The following TBC1D19 variants were observed in gnomAD, a reference collection of about 807,000 sequenced individuals.
TBC1D19 encodes TBC1 domain family member 19, also known as TBC1 domain family, member 19.
A neutral mutation model predicts 89.0 loss-of-function variants in TBC1D19; 60 were observed. The observed-to-expected ratio is 0.67, with a 90% CI of 0.55 to 0.84. The LOEUF (loss-of-function observed/expected upper bound fraction) is 0.84. Ranked by LOEUF, TBC1D19 falls within the 40% of genes least tolerant of loss-of-function variation. The probability of loss-of-function intolerance (pLI) is 0.00; values close to 1 mark genes in which losing one functional copy is unlikely to be tolerated. For synonymous variants in TBC1D19, 189 were observed against 199.7 expected (o/e 0.95, Z 0.45); for missense variants, 500 against 610.8 (o/e 0.82, Z 1.91).
At chr4:26,698,892 C>T (rs1715054084) in intron 13 of TBC1D19, among the ~76,000 whole-genome samples, 1 of 152,176 alleles carries the variant, frequency 6.6e-6, no homozygotes, top group Non-Finnish European at 1.5e-5. Flanking sequence ...AAATGTGAGA[C>T]CTAAAACCAT....
chr4:26,857,453 C>T, the TBC1D19 span, among the ~76,000 whole-genome samples: 1 of 152,248 alleles, frequency 6.6e-6, no homozygotes, highest in African/African-American at 2.4e-5. Flanking sequence ...GAGGGCGAGG[C>T]GCCGGAATTC....
intron 9 of TBC1D19, among the ~76,000 whole-genome samples, chr4:26,668,804 A>G (rs1712034815): frequency 6.6e-6 from 1 of 151,886 alleles, no homozygotes; most frequent in African/African-American, 2.4e-5. Flanking sequence ...ATGTTTTATC[A>G]TTACTGCTAT....
intron 4 of TBC1D19, among the ~76,000 whole-genome samples, chr4:26,625,337 A>G (rs1235653502): frequency 6.6e-6 from 1 of 152,156 alleles, no homozygotes; most frequent in African/African-American, 2.4e-5. Context: ...TTTCCTCTTG[A>G]TGACTCACAA....
chr4:26,772,788 A>G, the TBC1D19 span, among the ~76,000 whole-genome samples: 1 of 152,160 alleles, frequency 6.6e-6, no homozygotes, highest in Non-Finnish European at 1.5e-5. Context: ...CCTTCAAAGG[A>G]CATGATCTCA....
chr4:26,613,397 G>A (rs1231599250), intron 2 of TBC1D19, among the ~76,000 whole-genome samples, 156 bp downstream of exon 2: 1 of 151,952 alleles, frequency 6.6e-6, no homozygotes, highest in Non-Finnish European at 1.5e-5. Context: ...CATGGTTTTT[G>A]GTTTCTGTCT....
At chr4:26,762,008 T>C in the TBC1D19 span, among the ~76,000 whole-genome samples, 48 of 152,064 alleles carry the variant, frequency 3.2e-4, no homozygotes, top group African/African-American at 1.1e-3. Context: ...TGGTGGCACA[T>C]GCCTGTAATC....
At chr4:26,842,717 G>T in the TBC1D19 span, among the ~76,000 whole-genome samples, 1 of 149,898 alleles carries the variant, frequency 6.7e-6, no homozygotes, top group Non-Finnish European at 1.5e-5. Flanking sequence ...GCCCCCGGCT[G>T]GTCTTGAACT....
chr4:26,658,392 G>T (rs1577891405), intron 7 of TBC1D19, among the ~76,000 whole-genome samples: 1 of 152,258 alleles, frequency 6.6e-6, no homozygotes, highest in East Asian at 1.9e-4. Context: ...AGATCAGATG[G>T]TTGTAGATGT....
At chr4:26,698,515 T>C (rs546833453) in intron 13 of TBC1D19, among the ~76,000 whole-genome samples, 2 of 152,114 alleles carry the variant, frequency 1.3e-5, no homozygotes, top group Admixed American at 6.5e-5. Flanking sequence ...AAAACTACTT[T>C]AAAGTTCATA....
chr4:26,738,855 T>C (rs1219160364), intron 16 of TBC1D19, among the ~76,000 whole-genome samples: 1 of 152,178 alleles, frequency 6.6e-6, no homozygotes, highest in Non-Finnish European at 1.5e-5. Context: ...TTTTTCCTTT[T>C]ACTTTGTCAA....
At chr4:26,768,206 A>G in the TBC1D19 span, among the ~76,000 whole-genome samples, 15 of 152,318 alleles carry the variant, frequency 9.8e-5, no homozygotes, top group African/African-American at 3.6e-4. Context: ...GGCCAGGAAG[A>G]GTGGCTATTC....
At chr4:26,596,485 T>A (rs986393012) in intron 1 of TBC1D19, among the ~76,000 whole-genome samples, 16 of 150,436 alleles carry the variant, frequency 1.1e-4, no homozygotes, top group African/African-American at 4.0e-4. Flanking sequence ...TGTGTGTGTG[T>A]GTGAGAGAGA....
At chr4:26,607,147 C>T (rs1438594862) in intron 1 of TBC1D19, among the ~76,000 whole-genome samples, 1 of 152,092 alleles carries the variant, frequency 6.6e-6, no homozygotes, top group African/African-American at 2.4e-5. Flanking sequence ...TATGCAGGAC[C>T]ATACCACAAA....
intron 18 of TBC1D19, among the ~76,000 whole-genome samples, chr4:26,746,441 C>T (rs1578013525): frequency 6.6e-6 from 1 of 152,102 alleles, no homozygotes; most frequent in Non-Finnish European, 1.5e-5. Flanking sequence ...GTCAAATTCT[C>T]TGGCTCTTTC....
At chr4:26,694,971 TAA>T (rs1714635848) in intron 13 of TBC1D19, among the ~76,000 whole-genome samples, 1 of 152,222 alleles carries the variant, frequency 6.6e-6, no homozygotes, top group Non-Finnish European at 1.5e-5. Context: ...CTGAAATTTC[TAA>T]AAGTCAGAGC....
chr4:26,785,822 TG>T, the TBC1D19 span, among the ~76,000 whole-genome samples: 1 of 152,204 alleles, frequency 6.6e-6, no homozygotes, highest in South Asian at 2.1e-4. Context: ...CACATAGCAC[TG>T]GGGTCTTTAG....
intron 1 of TBC1D19, among the ~76,000 whole-genome samples, chr4:26,608,314 G>C (rs1037209578): frequency 1.3e-5 from 2 of 152,100 alleles, no homozygotes; most frequent in African/African-American, 2.4e-5. Context: ...GGCTATATCA[G>C]AATAAAGCTG....
chr4:26,802,374 G>A, the TBC1D19 span, among the ~76,000 whole-genome samples: 1 of 152,160 alleles, frequency 6.6e-6, no homozygotes. Flanking sequence ...GCCGAGGCGG[G>A]CAGATAACTT....
the TBC1D19 span, among the ~76,000 whole-genome samples, chr4:26,821,497 A>T: frequency 1.3e-4 from 20 of 152,250 alleles, no homozygotes; most frequent in Non-Finnish European, 2.4e-4. Context: ...CAGGTTTTGT[A>T]GTACTCCTTG....
Sources: allele counts gnomAD v4.1 joint callset (sites outside exome capture counted in the v4.1 genomes callset), GRCh38; gene constraint gnomAD v4.1.1; transcripts MANE v1.5; gene names NCBI Gene and HGNC (gene_info 2026-07-23, HGNC 2026-07-21).